Variants in OXCT1 observed in about 807,000 individuals in gnomAD.
OXCT1 encodes 3-oxoacid CoA-transferase 1, also known as succinyl-CoA:3-ketoacid coenzyme A transferase 1, mitochondrial.
In OXCT1, 27 loss-of-function variants were observed where a neutral mutation model predicts 69.6. The ratio of observed to expected loss-of-function variants is 0.39; its 90% CI spans 0.29 to 0.54. The LOEUF (loss-of-function observed/expected upper bound fraction) is 0.54, where lower values mean the gene tolerates loss of function less well. Among genes scored for constraint, OXCT1 ranks in the 20% least tolerant of loss-of-function variants. OXCT1 has a pLI of 0.72. For synonymous variants in OXCT1, 202 were observed against 217.8 expected (o/e 0.93, Z 0.64); for missense variants, 437 against 650.2 (o/e 0.67, Z 3.57).
At chr5:41,775,606 G>T (rs1259250725) in intron 13 of OXCT1, among the ~76,000 whole-genome samples, 1 of 152,082 alleles carries the variant, frequency 6.6e-6, no homozygotes, top group African/African-American at 2.4e-5. Flanking sequence ...TTGGCCATTG[G>T]TGACTGAACT....
At chr5:41,789,058 T>C (rs1194774799) in intron 13 of OXCT1, among the ~76,000 whole-genome samples, 1 of 152,210 alleles carries the variant, frequency 6.6e-6, no homozygotes, top group Non-Finnish European at 1.5e-5. Context: ...AGAAAGTATT[T>C]TGAAGAGACT....
rs117144877 is a variant in OXCT1, at chr5:41,823,600, G to A, written c.733-16162C>T. Among the ~76,000 whole-genome samples, 113 of 152,204 alleles carry A rather than the reference G, an allele frequency of 7.4e-4. 2 individuals carry two copies. The East Asian group carries it at 0.016, about 22-fold the overall frequency. ...TGCCCTGTGACTTTAATCCTCTGAC[G>A]GATCTAAGAATAATTGTTGATTTTT... On this transcript the variant is annotated intron_variant, in intron 7 of 16. Coordinates refer to ENST00000196371, the MANE Select transcript of OXCT1 (RefSeq NM_000436.4).
chr5:41,863,822 A>G (rs550862559), intron 1 of OXCT1, among the ~76,000 whole-genome samples: 16 of 152,328 alleles, frequency 1.1e-4, no homozygotes, highest in African/African-American at 3.6e-4. Context: ...AACACAGTTA[A>G]GTATTAAGAC....
chr5:41,769,743 C>T (rs1019278179), intron 13 of OXCT1, among the ~76,000 whole-genome samples: 1 of 151,870 alleles, frequency 6.6e-6, no homozygotes, highest in Non-Finnish European at 1.5e-5. Flanking sequence ...AATCACCTAT[C>T]ACAGATGTAG....
chr5:41,755,945 G>A (rs982023609), intron 14 of OXCT1, among the ~76,000 whole-genome samples: 2 of 152,088 alleles, frequency 1.3e-5, no homozygotes, highest in Admixed American at 6.6e-5. Context: ...GGGCAGATGA[G>A]TATAAAGATC....
chr5:41,793,537 A>C (rs980176499), intron 13 of OXCT1, among the ~76,000 whole-genome samples: 6 of 152,232 alleles, frequency 3.9e-5, no homozygotes, highest in Non-Finnish European at 7.3e-5. Context: ...ACAGGTTTTG[A>C]ATTCCATAGC....
intron 13 of OXCT1, among the ~76,000 whole-genome samples, chr5:41,773,830 A>G (rs1165913675): frequency 6.6e-6 from 1 of 152,180 alleles, no homozygotes; most frequent in Non-Finnish European, 1.5e-5. Flanking sequence ...AACGTTGACC[A>G]TTCATAATAT....
At chr5:41,748,479 A>G (rs1040457644) in intron 15 of OXCT1, among the ~76,000 whole-genome samples, 1 of 152,142 alleles carries the variant, frequency 6.6e-6, no homozygotes, top group African/African-American at 2.4e-5. Context: ...ATTCTTTTCA[A>G]CAATCCCTGT....
At chr5:41,774,207 AG>A (rs1479032177) in intron 13 of OXCT1, among the ~76,000 whole-genome samples, 1 of 152,234 alleles carries the variant, frequency 6.6e-6, no homozygotes, top group Non-Finnish European at 1.5e-5. Flanking sequence ...ACCGTTATTC[AG>A]TAAGGAGTTA....
At chr5:41,775,075 G>A (rs779513524) in intron 13 of OXCT1, among the ~76,000 whole-genome samples, 6 of 152,006 alleles carry the variant, frequency 3.9e-5, no homozygotes, top group Admixed American at 6.6e-5. Context: ...TTCTTCAACT[G>A]TTTATACTCA....
intron 15 of OXCT1, among the ~76,000 whole-genome samples, chr5:41,741,249 C>T (rs974473054): frequency 5.3e-5 from 8 of 152,120 alleles, no homozygotes; most frequent in Non-Finnish European, 7.4e-5. Context: ...TGAGCCACCG[C>T]TTAACCAATT....
intron 11 of OXCT1, among the ~76,000 whole-genome samples, chr5:41,800,243 A>T: frequency 6.6e-6 from 1 of 152,112 alleles, no homozygotes; most frequent in East Asian, 1.9e-4. Context: ...TCTAGTCCCC[A>T]GTTCAACAAA....
intron 3 of OXCT1, among the ~76,000 whole-genome samples, chr5:41,858,341 A>G (rs1272299104): frequency 6.6e-6 from 1 of 152,234 alleles, no homozygotes; most frequent in Non-Finnish European, 1.5e-5. Context: ...AAGGCTTACA[A>G]GATAAAGAAA....
chr5:41,819,103 G>A (rs1048805529), intron 7 of OXCT1, among the ~76,000 whole-genome samples: 3 of 152,116 alleles, frequency 2.0e-5, no homozygotes, highest in Non-Finnish European at 4.4e-5. Context: ...CTTAATCAGA[G>A]TGACTTTAAA....
chr5:41,734,327 A>G (rs923696350), intron 16 of OXCT1, among the ~76,000 whole-genome samples: 6 of 152,250 alleles, frequency 3.9e-5, no homozygotes, highest in African/African-American at 1.4e-4. Flanking sequence ...AGAAGATAAA[A>G]TCAAAGAAAT....
At chr5:41,757,851 G>C (rs916281022) in intron 14 of OXCT1, among the ~76,000 whole-genome samples, 2 of 152,126 alleles carry the variant, frequency 1.3e-5, no homozygotes, top group African/African-American at 4.8e-5. Context: ...CTGCGGGCAA[G>C]GATGAGATAG....
intron 16 of OXCT1, among the ~76,000 whole-genome samples, chr5:41,732,823 A>T (rs1742701451): frequency 6.6e-6 from 1 of 152,244 alleles, no homozygotes; most frequent in East Asian, 1.9e-4. Flanking sequence ...ACAGGCAGTC[A>T]TTTGGCTTTC....
intron 7 of OXCT1, among the ~76,000 whole-genome samples, chr5:41,829,286 C>T (rs1747977379): frequency 6.6e-6 from 1 of 152,060 alleles, no homozygotes; most frequent in East Asian, 1.9e-4. Context: ...TTACATAATA[C>T]AGGTTAATAA....
chr5:41,743,072 T>C (rs1220933331), intron 15 of OXCT1, among the ~76,000 whole-genome samples: 2 of 152,244 alleles, frequency 1.3e-5, no homozygotes, highest in African/African-American at 4.8e-5. Flanking sequence ...CCACAATGGC[T>C]GAACTAGTTT....
Sources: allele counts gnomAD v4.1 joint callset (sites outside exome capture counted in the v4.1 genomes callset), GRCh38; gene constraint gnomAD v4.1.1; transcripts MANE v1.5; gene names NCBI Gene and HGNC (gene_info 2026-07-23, HGNC 2026-07-21).